Variants in IL20 observed in about 807,000 individuals in gnomAD.
IL20 encodes the protein interleukin 20, also known as interleukin-20.
A neutral mutation model predicts 19.2 loss-of-function variants in IL20; 22 were observed. The observed-to-expected ratio is 1.15, with a 90% CI of 0.82 to 1.64. IL20 has a LOEUF of 1.64. Ranked by LOEUF, IL20 falls within the 40% of genes most tolerant of loss-of-function variation. The pLI is 0.00. For synonymous variants in IL20, 70 were observed against 76.2 expected (o/e 0.92, Z 0.43); for missense variants, 215 against 212.8 (o/e 1.01, Z -0.06).
chr1:206,868,870 A>G lies in IL20; in HGVS notation c.*306A>G, dbSNP rs1166035932. On this transcript the variant is annotated 3_prime_UTR_variant, in exon 6 of 6. Coordinates refer to ENST00000367098, the MANE Select transcript of IL20 (RefSeq NM_018724.4). ...ATTTATTTTTTTACTTGGACATGAA[A>G]CTTTAAAAAAATTCACAGATTATAT... The G allele has an allele frequency of 6.3e-6, 1 of 159,226 alleles. No homozygotes were observed. The highest frequency in any genetic ancestry group is 1.4e-5 in the Non-Finnish European group (1 of 72,986). The allele number at this position is 159,226 out of a possible 1,614,324, so 9.9% of individuals were successfully genotyped here.
At chr1:206,867,830 C>T (rs1348984225) in intron 5 of IL20, among the ~76,000 whole-genome samples, 2 of 152,050 alleles carry the variant, frequency 1.3e-5, no homozygotes, top group African/African-American at 2.4e-5. Flanking sequence ...CTCACCTTCA[C>T]ACCTTCTCAT....
intron 2 of IL20, 122 bp downstream of exon 2, chr1:206,866,133 G>C: frequency 4.3e-6 from 5 of 1,165,572 alleles, no homozygotes; most frequent in Non-Finnish European, 6.3e-6. Context: ...TTCCTTACCC[G>C]GGGGATGTAT....
At chr1:206,864,565 C>T (rs1242940770), upstream of IL20, among the ~76,000 whole-genome samples, 1 of 151,768 alleles carries the variant, frequency 6.6e-6, no homozygotes, top group Non-Finnish European at 1.5e-5. Context: ...CTGCCCCAAA[C>T]AAAATTTATT....
In IL20 at chr1:206,869,039, T is replaced by G. The variant is rs1210194828; in HGVS notation, c.*475T>G. ...TCATGCTGATGCTCTGTGAGATATTTGAAATTGAACCAATGACTACTTAGG... is the reference window on the plus strand; with the variant it reads ...TCATGCTGATGCTCTGTGAGATATTGGAAATTGAACCAATGACTACTTAGG... On this transcript the variant is annotated 3_prime_UTR_variant, in exon 6 of 6. Transcript: ENST00000367098. The G allele has an allele frequency of 6.6e-6, 1 of 152,258 alleles. No individual in the cohort carries two copies. Among genetic ancestry groups the G allele is most frequent in the African/African-American group, 2.4e-5 (1 of 41,396 alleles). The allele number at this position is 152,258 out of a possible 1,614,324, so 9.4% of individuals were successfully genotyped here.
upstream of IL20, among the ~76,000 whole-genome samples, chr1:206,865,052 C>G (rs1677505476): frequency 6.6e-6 from 1 of 152,170 alleles, no homozygotes; most frequent in South Asian, 2.1e-4. This position sits in a 1 kb window ranked among gnomAD's most constrained non-coding sequence, Gnocchi z 4.1. Flanking sequence ...AGTTGCAGGT[C>G]CAGGAAAGCG....
intron 5 of IL20, 27 bp downstream of exon 5, chr1:206,867,485 G>A (rs1179590667): frequency 5.1e-6 from 8 of 1,583,466 alleles, no homozygotes; most frequent in Non-Finnish European, 6.9e-6. Context: ...CATTGATTGG[G>A]ATGGGTGTGT....
At chr1:206,866,710 CCTA>C in intron 4 of IL20, 74 bp downstream of exon 4, 1 of 1,398,440 alleles carries the variant, frequency 7.2e-7, no homozygotes, top group Non-Finnish European at 1.0e-6. Flanking sequence ...AACTCTCTTT[CCTA>C]CCTCCATTTA....
intron 2 of IL20, 91 bp downstream of exon 2, chr1:206,866,102 TA>T: frequency 7.5e-7 from 1 of 1,332,558 alleles, no homozygotes; most frequent in Non-Finnish European, 1.1e-6. Flanking sequence ...AGTGTAATCA[TA>T]AAAAGAGGCA....
In IL20 at chr1:206,865,960, C is replaced by T; in HGVS notation, c.108C>T (p.Ala36=). 6.2e-7 allele frequency: 1 copy of T among 1,614,160 alleles called. No individual in the cohort carries two copies. The highest frequency in any genetic ancestry group is 8.5e-7 in the Non-Finnish European group (1 of 1,180,030). ...KTLNLGSCVI[A]TNLQEIRNGF... ...TCAATTTGGGAAGCTGTGTGATCGCCACAAACCTTCAGGAAATACGAAATG... is the reference window on the plus strand; with the variant it reads ...TCAATTTGGGAAGCTGTGTGATCGCTACAAACCTTCAGGAAATACGAAATG... The change falls in exon 2 of 6, where the codon GCC becomes GCT. Residue 36 remains alanine, a synonymous_variant. Transcript: ENST00000367098. This position sits in a 1 kb window ranked among gnomAD's most constrained non-coding sequence, Gnocchi z 4.1.
upstream of IL20, chr1:206,865,496 C>G (rs1045081445): frequency 3.9e-6 from 4 of 1,033,330 alleles, no homozygotes; most frequent in Admixed American, 1.5e-4. This position sits in a 1 kb window ranked among gnomAD's most constrained non-coding sequence, Gnocchi z 4.1. Context: ...TTTGACATTT[C>G]CCCTGAAATG....
chr1:206,867,534 C>T (rs1677593038), intron 5 of IL20, 76 bp downstream of exon 5: 5 of 1,162,342 alleles, frequency 4.3e-6, no homozygotes, highest in Non-Finnish European at 6.5e-6. Flanking sequence ...GATGGTTATT[C>T]ACTGTTAGAC....
upstream of IL20, among the ~76,000 whole-genome samples, chr1:206,864,697 A>G (rs185643488): frequency 2.1e-4 from 32 of 152,250 alleles, no homozygotes; most frequent in Non-Finnish European, 4.3e-4. Flanking sequence ...TAGTGGTACA[A>G]ATTTTTCCTT....
Position 206,865,849 on chromosome 1 carries a change from T to C in IL20, c.-4T>C. The C allele has an allele frequency of 2.5e-6, 4 of 1,613,700 alleles. No homozygotes were observed. The highest frequency in any genetic ancestry group is 3.4e-6 in the Non-Finnish European group (4 of 1,179,712). ...TCCTGTGGTCTCCAGATTTCAGGCCTAAGATGAAAGCCTCTAGTCTTGCCT... is the reference window on the plus strand; with the variant it reads ...TCCTGTGGTCTCCAGATTTCAGGCCCAAGATGAAAGCCTCTAGTCTTGCCT... On this transcript the variant is annotated 5_prime_UTR_variant, in exon 2 of 6. Coordinates refer to ENST00000367098, the MANE Select transcript of IL20 (RefSeq NM_018724.4). This position sits in a 1 kb window ranked among gnomAD's most constrained non-coding sequence, Gnocchi z 4.1.
At position 206,865,870 on chromosome 1, in the gene IL20, TG is replaced by T. The variant is rs758602359; in HGVS notation, c.19del (p.Ala7ProfsTer19). 15 of 1,614,002 alleles carry T rather than the reference TG, an allele frequency of 9.3e-6. No individual in the cohort carries two copies. The highest frequency in any genetic ancestry group is 1.2e-5 in the Non-Finnish European group (14 of 1,179,986). On this transcript the variant is annotated frameshift_variant, in exon 2 of 6. Coordinates refer to ENST00000367098, the MANE Select transcript of IL20 (RefSeq NM_018724.4). LOFTEE classifies it high-confidence loss of function. This position sits in a 1 kb window ranked among gnomAD's most constrained non-coding sequence, Gnocchi z 4.1. Reference protein sequence around the residue: MKASSLAFSLLSAAFYL... With the variant: MKASSLXFSLLSAAFYL... ...GGCCTAAGATGAAAGCCTCTAGTCT[TG>T]CCTTCAGCCTTCTCTCTGCTGCGTT...
chr1:206,866,106 A>G, intron 2 of IL20, 95 bp downstream of exon 2: 1 of 1,310,128 alleles, frequency 7.6e-7, no homozygotes, highest in South Asian at 1.3e-5. Flanking sequence ...TAATCATAAA[A>G]AGAGGCAGGC....
chr1:206,866,494 G>A lies in IL20; in HGVS notation c.236G>A (p.Arg79Gln), dbSNP rs773706986. 2.0e-5 allele frequency: 32 copies of A among 1,613,852 alleles called. No homozygotes were observed. The highest frequency in any genetic ancestry group is 1.1e-4 in the African/African-American group (8 of 74,860). The change falls in exon 4 of 6, where the codon CGA (arginine) becomes CAA (glutamine). Residue 79 changes from arginine to glutamine, a missense_variant. By Grantham distance (43) the Arg-to-Gln change is conservative. Coordinates refer to ENST00000367098, the MANE Select transcript of IL20 (RefSeq NM_018724.4). ...TGTGGTTTTTTGCAGCCTGCGAATC[G>A]ATGCTGCCTCCTGCGCCATTTGCTA... ...ESLQDTKPANRCCLLRHLLRL... is the reference protein window; with the variant it reads ...ESLQDTKPANQCCLLRHLLRL...
In IL20 at chr1:206,868,662, T is replaced by A; in HGVS notation, c.*98T>A. The A allele has an allele frequency of 1.3e-6, 1 of 742,120 alleles. No homozygotes were observed. Among genetic ancestry groups the A allele is most frequent in the Non-Finnish European group, 2.1e-6 (1 of 479,712 alleles). 46.0% of individuals were successfully genotyped at this position (742,120 alleles called of 1,614,324 possible). A position where few individuals can be genotyped will look rare whatever the true frequency, so the allele number is the denominator to read the frequency against. On this transcript the variant is annotated 3_prime_UTR_variant, in exon 6 of 6. Coordinates refer to ENST00000367098, the MANE Select transcript of IL20 (RefSeq NM_018724.4). The stretch of plus-strand genomic sequence containing the variant: ...TGACCCCAAACCACCATCTCTTTAC[T>A]GTACTAGTCTTGTGCTGGTCACAGT...
intron 4 of IL20, 115 bp from the exon 5 acceptor site, chr1:206,867,269 A>G (rs2232359): frequency 0.07 from 56,940 of 810,538 alleles, 2,348 homozygotes; most frequent in Non-Finnish European, 0.084. Flanking sequence ...GCTTTTCTAT[A>G]GGAATAAGCA....
upstream of IL20, among the ~76,000 whole-genome samples, chr1:206,864,822 A>T (rs1001140710): frequency 3.9e-5 from 6 of 152,104 alleles, no homozygotes; most frequent in African/African-American, 1.4e-4. Context: ...AAATATTTTT[A>T]TCTTGATGAC....
Sources: allele counts gnomAD v4.1 joint callset (sites outside exome capture counted in the v4.1 genomes callset), GRCh38; gene constraint gnomAD v4.1.1; non-coding constraint Gnocchi (gnomAD v3.1); transcripts MANE v1.5; gene names NCBI Gene and HGNC (gene_info 2026-07-23, HGNC 2026-07-21).